The following IRAK1BP1 variants were observed in gnomAD, a reference collection of about 807,000 sequenced individuals.
IRAK1BP1 encodes interleukin 1 receptor associated kinase 1 binding protein 1.
IRAK1BP1 carries 24 observed loss-of-function variants against 28.0 expected under a neutral mutation model. That is an observed-to-expected ratio of 0.86 (90% CI 0.62 to 1.20). IRAK1BP1 has a LOEUF of 1.20. Among genes scored for constraint, IRAK1BP1 ranks in the 50% most tolerant of loss-of-function variants. The probability of loss-of-function intolerance (pLI) is 0.00; values close to 1 mark genes in which losing one functional copy is unlikely to be tolerated. For synonymous variants in IRAK1BP1, 131 were observed against 116.3 expected, an observed-to-expected ratio of 1.13 and a Z score of -0.81; for missense variants, 336 against 316.7, an observed-to-expected ratio of 1.06 and a Z score of -0.46.
At chr6:78,944,421 G>A (rs1773690787) in intron 4 of IRAK1BP1, among the ~76,000 whole-genome samples, 1 of 152,052 alleles carries the variant, frequency 6.6e-6, no homozygotes, top group Non-Finnish European at 1.5e-5. Flanking sequence ...TGAGAACTGA[G>A]GCAGGAAGAC....
chr6:78,964,893 G>A, the IRAK1BP1 span, among the ~76,000 whole-genome samples: 3 of 152,020 alleles, frequency 2.0e-5, no homozygotes, highest in South Asian at 2.1e-4. Flanking sequence ...TTAAAATCTC[G>A]ACAATATCCT....
At chr6:78,874,908 T>C (rs777121404) in intron 1 of IRAK1BP1, among the ~76,000 whole-genome samples, 1 of 152,116 alleles carries the variant, frequency 6.6e-6, no homozygotes, top group Non-Finnish European at 1.5e-5. Flanking sequence ...TTAATTAAAC[T>C]AAAGAGCTTC....
At chr6:78,973,557 T>G in the IRAK1BP1 span, among the ~76,000 whole-genome samples, 1,004 of 2,286 alleles carry the variant, frequency 0.44, 452 homozygotes, top group East Asian at 1. Flanking sequence ...TGGACTAAAT[T>G]CTCCAATTAA....
At chr6:78,894,990 C>T (rs1771827861) in intron 2 of IRAK1BP1, among the ~76,000 whole-genome samples, 1 of 151,916 alleles carries the variant, frequency 6.6e-6, no homozygotes. Context: ...CACCTGTAAT[C>T]CCAGCTACTC....
At chr6:78,938,377 G>T (rs1351602394) in intron 4 of IRAK1BP1, 3 of 151,374 alleles carry the variant, frequency 2.0e-5, no homozygotes. Flanking sequence ...TGTACTAGAG[G>T]TATATTCCAC....
chr6:78,912,461 C>T (rs1272006026), intron 4 of IRAK1BP1, among the ~76,000 whole-genome samples: 3 of 152,070 alleles, frequency 2.0e-5, no homozygotes, highest in Non-Finnish European at 4.4e-5. Context: ...TACCAAGCCA[C>T]CAGCTGAAGA....
downstream of IRAK1BP1, among the ~76,000 whole-genome samples, chr6:78,947,999 C>A (rs1389041817): frequency 5.9e-5 from 9 of 151,742 alleles, no homozygotes. Context: ...TTCAAGAACA[C>A]AGAAGTTATT....
intron 4 of IRAK1BP1, among the ~76,000 whole-genome samples, chr6:78,934,950 G>T (rs1239185486): frequency 6.6e-6 from 1 of 152,142 alleles, no homozygotes; most frequent in East Asian, 1.9e-4. Flanking sequence ...TCAGTAAGTG[G>T]TAAATGTGTT....
chr6:78,940,508 AT>A (rs1773433349), intron 4 of IRAK1BP1: 1 of 157,354 alleles, frequency 6.4e-6, no homozygotes, highest in African/African-American at 2.6e-5. Context: ...ATATATATAT[AT>A]ATATATTCAT....
At chr6:78,960,736 G>A in the IRAK1BP1 span, among the ~76,000 whole-genome samples, 1 of 151,918 alleles carries the variant, frequency 6.6e-6, no homozygotes, top group Admixed American at 6.6e-5. Flanking sequence ...CACATTTTTG[G>A]TTTTCACAAC....
downstream of IRAK1BP1, among the ~76,000 whole-genome samples, chr6:78,948,424 T>G (rs371597736): frequency 6.6e-6 from 1 of 152,060 alleles, no homozygotes; most frequent in Admixed American, 6.5e-5. Flanking sequence ...CAACAGAAAA[T>G]TATCATAATA....
At chr6:78,951,748 CT>C in the IRAK1BP1 span, among the ~76,000 whole-genome samples, 1 of 152,120 alleles carries the variant, frequency 6.6e-6, no homozygotes, top group Non-Finnish European at 1.5e-5. Flanking sequence ...ATATATTTCC[CT>C]TTTAAGTTTG....
At chr6:78,923,325 C>T (rs973376803) in intron 4 of IRAK1BP1, among the ~76,000 whole-genome samples, 3 of 151,514 alleles carry the variant, frequency 2.0e-5, no homozygotes, top group South Asian at 2.1e-4. Context: ...AGAGACAAGG[C>T]CTTTACATAA....
chr6:78,891,145 T>G (rs1771644901), intron 2 of IRAK1BP1, among the ~76,000 whole-genome samples: 3 of 152,204 alleles, frequency 2.0e-5, no homozygotes, highest in African/African-American at 4.8e-5. Flanking sequence ...GTCAGAGGGT[T>G]TGAAGGACAT....
At chr6:78,972,242 T>A in the IRAK1BP1 span, among the ~76,000 whole-genome samples, 1 of 152,198 alleles carries the variant, frequency 6.6e-6, no homozygotes, top group Non-Finnish European at 1.5e-5. Context: ...GCAGCCTAAC[T>A]GGGAGGCACC....
At chr6:78,924,459 TG>T (rs1430651468) in intron 4 of IRAK1BP1, among the ~76,000 whole-genome samples, 2 of 152,134 alleles carry the variant, frequency 1.3e-5, no homozygotes, top group African/African-American at 4.8e-5. Flanking sequence ...CAGGACCAGA[TG>T]GATTCACAGC....
At chr6:78,916,565 T>C (rs1228539118) in intron 4 of IRAK1BP1, among the ~76,000 whole-genome samples, 16 of 152,218 alleles carry the variant, frequency 1.1e-4, no homozygotes, top group Admixed American at 1.0e-3. Context: ...AGCTACTCCA[T>C]GTAAAGAATG....
intron 1 of IRAK1BP1, among the ~76,000 whole-genome samples, chr6:78,879,930 T>C (rs1480752977): frequency 6.6e-6 from 1 of 152,164 alleles, no homozygotes; most frequent in Non-Finnish European, 1.5e-5. Context: ...AAGCAAAAAG[T>C]ACATATTGAG....
intron 1 of IRAK1BP1, among the ~76,000 whole-genome samples, chr6:78,873,130 C>T (rs1486398217): frequency 6.6e-6 from 1 of 151,486 alleles, no homozygotes; most frequent in Non-Finnish European, 1.5e-5. Flanking sequence ...GTGGTGGGCG[C>T]CTGTGTCTCA....
Sources: gnomAD v4.1 joint callset for allele counts (sites outside exome capture counted in the v4.1 genomes callset) on GRCh38, gnomAD v4.1.1 for gene constraint, MANE v1.5 for transcripts, NCBI Gene and HGNC (gene_info 2026-07-23, HGNC 2026-07-21) for gene names.